BCAS4: variants seen among roughly 807,000 people sequenced by gnomAD.
BCAS4 encodes breast carcinoma-amplified sequence 4.
Under a neutral mutation model 15.7 loss-of-function variants are expected in BCAS4, and 9 were observed. The ratio of observed to expected loss-of-function variants is 0.57; its 90% CI spans 0.34 to 1.00. The LOEUF (loss-of-function observed/expected upper bound fraction) is 1.00, where lower values mean the gene tolerates loss of function less well. Ranked by LOEUF, BCAS4 falls within the 50% of genes least tolerant of loss-of-function variation. The pLI is 0.02. For missense variants in BCAS4, 225 were observed against 239.1 expected (o/e 0.94, Z 0.39); for synonymous variants, 101 against 99.5 (o/e 1.02, Z -0.09).
intron 4 of BCAS4, among the ~76,000 whole-genome samples, chr20:50,846,495 C>G (rs746133382): frequency 1.1e-4 from 16 of 151,592 alleles, no homozygotes; most frequent in Non-Finnish European, 2.1e-4. Flanking sequence ...GAGATCTTAA[C>G]GTTATTTTGA....
chr20:50,846,220 A>G (rs1270188343), intron 4 of BCAS4, among the ~76,000 whole-genome samples: 2 of 152,220 alleles, frequency 1.3e-5, no homozygotes, highest in Non-Finnish European at 1.5e-5. Flanking sequence ...ATGCTTTTAT[A>G]TTGATCGTTA....
chr20:50,800,559 CTTTT>C (rs562113048), intron 1 of BCAS4, among the ~76,000 whole-genome samples: 4 of 112,628 alleles, frequency 3.6e-5, no homozygotes, highest in African/African-American at 3.7e-5. Context: ...TTGAACATCC[CTTTT>C]TTTTTTTTTT....
chr20:50,878,914 C>T (rs1271361285), downstream of BCAS4: 2 of 152,270 alleles, frequency 1.3e-5, no homozygotes, highest in African/African-American at 4.8e-5. Flanking sequence ...GCAGCCCCCT[C>T]ATGCCCGCTT....
rs138172763 is a variant in BCAS4, at chr20:50,803,138, G to A, written c.90+7965G>A. Among the ~76,000 whole-genome samples the A allele has an allele frequency of 5.9e-3, 900 of 152,296 alleles. 5 individuals carry two copies. Among genetic ancestry groups the A allele is most frequent in the African/African-American group, 0.016 (665 of 41,558 alleles). Reference sequence around the variant, plus strand: ...GGAGGTTGCAGTGAGCCAAGATCGCGCCACTGCACTCCAGCCTGGGCCACA... The same window carrying A: ...GGAGGTTGCAGTGAGCCAAGATCGCACCACTGCACTCCAGCCTGGGCCACA... On this transcript the variant is annotated intron_variant, in intron 1 of 4. Coordinates refer to ENST00000371608, the MANE Select transcript of BCAS4 (RefSeq NM_198799.4).
At chr20:50,878,246 T>G (rs936048476), downstream of BCAS4, 1 of 152,178 alleles carries the variant, frequency 6.6e-6, no homozygotes, top group Admixed American at 6.6e-5. Context: ...CTCAGCTCAC[T>G]GCAACCTCCG....
intron 4 of BCAS4, among the ~76,000 whole-genome samples, chr20:50,847,994 G>A (rs962652223): frequency 5.3e-5 from 8 of 152,096 alleles, no homozygotes; most frequent in African/African-American, 1.9e-4. Flanking sequence ...AGCCATAATC[G>A]TACCACTGCT....
intron 2 of BCAS4, among the ~76,000 whole-genome samples, chr20:50,823,101 A>G (rs774772693): frequency 6.6e-6 from 1 of 151,752 alleles, no homozygotes; most frequent in South Asian, 2.1e-4. Context: ...GCACTTTGGG[A>G]GGCCGAGGCG....
At chr20:50,873,581 T>C (rs1372166816) in intron 4 of BCAS4, among the ~76,000 whole-genome samples, 1 of 152,264 alleles carries the variant, frequency 6.6e-6, no homozygotes, top group Non-Finnish European at 1.5e-5. Flanking sequence ...ATTCCACACC[T>C]GTGGGTTACC....
chr20:50,861,658 C>T (rs1979074596), intron 4 of BCAS4, among the ~76,000 whole-genome samples: 1 of 152,100 alleles, frequency 6.6e-6, no homozygotes. Context: ...TCCTGGAACC[C>T]TTGGAGCGAC....
chr20:50,820,229 G>T (rs970118899), intron 2 of BCAS4, among the ~76,000 whole-genome samples: 2 of 152,158 alleles, frequency 1.3e-5, no homozygotes, highest in African/African-American at 4.8e-5. Flanking sequence ...TTCCCATCAA[G>T]CCCCAGTGTA....
chr20:50,858,725 ATT>A (rs58684022), intron 4 of BCAS4, among the ~76,000 whole-genome samples: 12 of 117,594 alleles, frequency 1.0e-4, no homozygotes, highest in East Asian at 2.3e-4. Flanking sequence ...TTTTTCTTGA[ATT>A]TTTTTTTTTT....
At chr20:50,881,516 G>C (rs1179959675), downstream of BCAS4, 3 of 152,102 alleles carry the variant, frequency 2.0e-5, no homozygotes, top group South Asian at 6.2e-4. Context: ...TAGCAAAACA[G>C]GCAAAGGCTA....
intron 4 of BCAS4, among the ~76,000 whole-genome samples, chr20:50,861,283 C>T (rs147014793): frequency 1.9e-3 from 293 of 152,294 alleles, no homozygotes; most frequent in African/African-American, 6.8e-3. Flanking sequence ...GGCTGACCAG[C>T]TGCAGCATCG....
downstream of BCAS4, chr20:50,878,730 GCTC>G (rs1263519881): frequency 6.6e-6 from 1 of 152,094 alleles, no homozygotes; most frequent in Non-Finnish European, 1.5e-5. Context: ...GAACTTCTGG[GCTC>G]AGGGGACCCT....
intron 4 of BCAS4, among the ~76,000 whole-genome samples, chr20:50,855,262 C>T (rs1268122718): frequency 6.6e-6 from 1 of 152,204 alleles, no homozygotes; most frequent in African/African-American, 2.4e-5. Flanking sequence ...CTCTTCCCAT[C>T]TCCATCTCTG....
intron 4 of BCAS4, among the ~76,000 whole-genome samples, chr20:50,863,083 G>C (rs572714188): frequency 3.5e-4 from 53 of 151,834 alleles, no homozygotes; most frequent in African/African-American, 1.3e-3. Context: ...TGCCCGCCTT[G>C]CCTCCCAAAG....
At chr20:50,807,758 G>A (rs1014805912) in intron 1 of BCAS4, among the ~76,000 whole-genome samples, 7 of 152,072 alleles carry the variant, frequency 4.6e-5, no homozygotes, top group South Asian at 2.1e-4. Context: ...GAGAACATAC[G>A]ATGTTTGGTT....
At chr20:50,848,103 C>T (rs2088569477) in intron 4 of BCAS4, among the ~76,000 whole-genome samples, 1 of 151,306 alleles carries the variant, frequency 6.6e-6, no homozygotes, top group African/African-American at 2.4e-5. Context: ...CTAAAGGGGG[C>T]CCTTTAGCTG....
Position 50,867,596 on chromosome 20 carries a change from G to A in BCAS4, c.400-8890G>A, listed in dbSNP as rs535408817. ...TGGTCTTGAAACCCTGCACTCAAGG[G>A]ATCCTCCTGCCTTGGCCTCCCAAGG... On this transcript the variant is annotated intron_variant, in intron 4 of 4. Coordinates refer to ENST00000371608, the MANE Select transcript of BCAS4 (RefSeq NM_198799.4). Among the ~76,000 whole-genome samples, 9 of 152,268 alleles carry A rather than the reference G, an allele frequency of 5.9e-5. No individual in the cohort carries two copies. The South Asian group carries it at 1.9e-3, about 32-fold the overall frequency.
Sources: allele counts gnomAD v4.1 joint callset (sites outside exome capture counted in the v4.1 genomes callset), GRCh38; gene constraint gnomAD v4.1.1; transcripts MANE v1.5; gene names NCBI Gene and HGNC (gene_info 2026-07-23, HGNC 2026-07-21).